SYNPR: variants seen among roughly 807,000 people sequenced by gnomAD.
SYNPR encodes the protein synaptoporin.
Under a neutral mutation model 32.9 loss-of-function variants are expected in SYNPR, and 23 were observed. The observed-to-expected ratio is 0.70, with a 90% CI of 0.50 to 0.99. The LOEUF (loss-of-function observed/expected upper bound fraction) is 0.99. Ranked by LOEUF, SYNPR falls within the 50% of genes least tolerant of loss-of-function variation. The pLI, the probability that SYNPR is intolerant of heterozygous loss-of-function variation, is 0.00. For missense variants in SYNPR, 318 were observed against 349.3 expected, an observed-to-expected ratio of 0.91 and a Z score of 0.71; for synonymous variants, 146 against 135.9, an observed-to-expected ratio of 1.07 and a Z score of -0.52.
rs142902562 is a variant in SYNPR at position 63,527,813 on chromosome 3, T to C, written c.210-28730T>C. On this transcript the variant is annotated intron_variant, in intron 3 of 5. Coordinates refer to ENST00000478300, the MANE Select transcript of SYNPR (RefSeq NM_001130003.2). Reference sequence around the variant, plus strand: ...CAATACTGTATCCCCAAGTGTCAAGTTTATAACTTCAGTGTTCATTTTTTA... The same window carrying C: ...CAATACTGTATCCCCAAGTGTCAAGCTTATAACTTCAGTGTTCATTTTTTA... 1.4e-3 allele frequency among the ~76,000 whole-genome samples: 209 copies of C among 152,286 alleles called. 1 individual carries two copies. Among genetic ancestry groups the C allele is most frequent in the Non-Finnish European group, 2.5e-3 (172 of 68,018 alleles).
chr3:63,232,566 T>G (rs567337715), intron 1 of SYNPR, among the ~76,000 whole-genome samples: 1 of 152,314 alleles, frequency 6.6e-6, no homozygotes, highest in Admixed American at 6.5e-5. Context: ...TTCTCCATCT[T>G]CAGCACCTCC....
chr3:63,607,512 A>G (rs1235774241), intron 4 of SYNPR, among the ~76,000 whole-genome samples: 1 of 152,204 alleles, frequency 6.6e-6, no homozygotes, highest in Non-Finnish European at 1.5e-5. Flanking sequence ...AAAGGCTCAT[A>G]AGGACATTTA....
At chr3:63,463,161 G>A (rs978986233) in intron 2 of SYNPR, among the ~76,000 whole-genome samples, 2 of 152,002 alleles carry the variant, frequency 1.3e-5, no homozygotes, top group African/African-American at 2.4e-5. Flanking sequence ...TTTTACAGTC[G>A]AGGGAAAAAG....
At chr3:63,528,595 A>C (rs1376871220) in intron 3 of SYNPR, among the ~76,000 whole-genome samples, 1 of 152,102 alleles carries the variant, frequency 6.6e-6, no homozygotes, top group African/African-American at 2.4e-5. Context: ...GGGTTTATTC[A>C]CACTTACTAT....
At chr3:63,221,042 G>C in the SYNPR span, among the ~76,000 whole-genome samples, 2 of 152,110 alleles carry the variant, frequency 1.3e-5, no homozygotes, top group Non-Finnish European at 2.9e-5. Context: ...TGATTGATAG[G>C]AGCATGGGAA....
intron 2 of SYNPR, among the ~76,000 whole-genome samples, chr3:63,291,523 G>C (rs543861876): frequency 6.6e-5 from 10 of 152,266 alleles, no homozygotes; most frequent in African/African-American, 1.4e-4. Context: ...GGTTTGTGAG[G>C]ATAGGAGAGA....
intron 3 of SYNPR, among the ~76,000 whole-genome samples, chr3:63,272,470 C>T (rs1443197853): frequency 4.0e-5 from 6 of 149,920 alleles, no homozygotes; most frequent in Non-Finnish European, 7.4e-5. Flanking sequence ...TCAAAAATTG[C>T]AGTGTCTGGT....
intron 2 of SYNPR, among the ~76,000 whole-genome samples, chr3:63,441,925 A>G (rs1472136943): frequency 1.3e-5 from 2 of 152,150 alleles, no homozygotes; most frequent in African/African-American, 2.4e-5. Context: ...TCACAGCTCT[A>G]TGAGGCATAA....
chr3:63,516,244 G>T (rs1189667222), intron 3 of SYNPR, among the ~76,000 whole-genome samples: 3 of 152,060 alleles, frequency 2.0e-5, no homozygotes, highest in Non-Finnish European at 4.4e-5. Context: ...CCATCTTGGG[G>T]AGTCTCTTGC....
chr3:63,476,998 T>C (rs1437866753), intron 2 of SYNPR, among the ~76,000 whole-genome samples: 3 of 152,162 alleles, frequency 2.0e-5, no homozygotes, highest in African/African-American at 7.2e-5. Context: ...ATTTGGTAGA[T>C]GTGGGAACTG....
intron 3 of SYNPR, among the ~76,000 whole-genome samples, chr3:63,543,857 A>G (rs891795247): frequency 1.3e-5 from 2 of 152,066 alleles, no homozygotes; most frequent in African/African-American, 4.8e-5. Flanking sequence ...TTCACTAAAC[A>G]TCACCTTCCC....
upstream of SYNPR, among the ~76,000 whole-genome samples, chr3:63,225,937 G>T (rs897857314): frequency 2.0e-5 from 3 of 151,484 alleles, no homozygotes; most frequent in Admixed American, 6.6e-5. Flanking sequence ...AATATACAAG[G>T]TACCCAAAAA....
intron 2 of SYNPR, among the ~76,000 whole-genome samples, chr3:63,262,380 A>G (rs552522924): frequency 2.0e-5 from 3 of 152,146 alleles, no homozygotes; most frequent in Admixed American, 6.5e-5. Context: ...CTGAGGCCCA[A>G]TGTGCTTGGG....
intron 2 of SYNPR, among the ~76,000 whole-genome samples, chr3:63,254,457 C>G (rs1007495947): frequency 2.0e-5 from 3 of 152,108 alleles, no homozygotes; most frequent in African/African-American, 7.2e-5. Flanking sequence ...AAATAACAGA[C>G]TACATCATAA....
the SYNPR span, among the ~76,000 whole-genome samples, chr3:63,219,861 G>A: frequency 6.6e-6 from 1 of 152,218 alleles, no homozygotes; most frequent in East Asian, 1.9e-4. Flanking sequence ...TGAAGGATGT[G>A]GAAGGGGAGG....
At position 63,285,896 on chromosome 3, in the gene SYNPR, A is replaced by G. The variant is rs534866115; in HGVS notation, c.84+7154A>G. On this transcript the variant is annotated intron_variant, in intron 2 of 5. Coordinates refer to ENST00000478300, the MANE Select transcript of SYNPR (RefSeq NM_001130003.2). ...GTAAGGTACCTTGCTTAGTACCTAC[A>G]CTGTGATAAGTGCTCAATAAAAGAT... is the stretch of plus-strand genomic sequence containing the variant. Among the ~76,000 whole-genome samples, 151 of 152,344 alleles carry G rather than the reference A, an allele frequency of 9.9e-4. No homozygotes were observed. In the Middle Eastern group the frequency reaches 0.037, roughly 38 times the overall value.
At chr3:63,577,922 C>A (rs917728281) in intron 4 of SYNPR, among the ~76,000 whole-genome samples, 12 of 151,984 alleles carry the variant, frequency 7.9e-5, no homozygotes, top group African/African-American at 2.7e-4. Flanking sequence ...GTAATAGAGG[C>A]AAGGAGGGGG....
intron 4 of SYNPR, among the ~76,000 whole-genome samples, chr3:63,557,742 C>T (rs1311221850): frequency 6.6e-6 from 1 of 152,112 alleles, no homozygotes; most frequent in African/African-American, 2.4e-5. Context: ...TATAACAAAA[C>T]TCCATTTGTT....
At chr3:63,551,708 A>C (rs192197586) in intron 3 of SYNPR, among the ~76,000 whole-genome samples, 1 of 152,152 alleles carries the variant, frequency 6.6e-6, no homozygotes. Context: ...TCTCCAGCCT[A>C]AAAGTCACTT....
Sources: allele counts gnomAD v4.1 joint callset (sites outside exome capture counted in the v4.1 genomes callset), GRCh38; gene constraint gnomAD v4.1.1; transcripts MANE v1.5; gene names NCBI Gene and HGNC (gene_info 2026-07-23, HGNC 2026-07-21).